ADGRG2: variants seen among roughly 807,000 people sequenced by gnomAD.
ADGRG2 encodes the protein G protein-coupled receptor 64.
In ADGRG2, 26 loss-of-function variants were observed where a neutral mutation model predicts 74.1. That is an observed-to-expected ratio of 0.35 (90% confidence interval 0.26 to 0.49). The LOEUF (loss-of-function observed/expected upper bound fraction) is 0.49, where lower values mean the gene tolerates loss of function less well. ADGRG2 is among the 20% of genes least tolerant of loss of function. The pLI, the probability that ADGRG2 is intolerant of heterozygous loss-of-function variation, is 0.99. For missense variants in ADGRG2, 619 were observed against 763.1 expected, an observed-to-expected ratio of 0.81 and a Z score of 2.22; for synonymous variants, 296 against 295.2, an observed-to-expected ratio of 1.00 and a Z score of -0.03.
chrX:19,103,691 C>A (rs1217505597), intron 1 of ADGRG2, among the ~76,000 whole-genome samples: 2 of 111,083 alleles, frequency 1.8e-5, no homozygotes, highest in Admixed American at 9.6e-5. Flanking sequence ...CTCAAAATAC[C>A]AAATCCAAAG....
chrX:19,068,721 C>G lies in ADGRG2; in HGVS notation c.114G>C (p.Leu38=). ...ICLHVVLVTS[L]EEDTDNSSLS... is the part of the protein sequence containing the mutation. ...GAAGAAAAACAGACACATTACCTTC[C>G]AGGGATGTTACCAGAACGACATGAA... The change falls in exon 3 of 29, where the codon CTG becomes CTC. Residue 38 remains leucine, a synonymous_variant. Transcript: ENST00000379869. 1 of 948,667 alleles carries G rather than the reference C, an allele frequency of 1.1e-6. No individual in the cohort carries two copies. The highest frequency in any genetic ancestry group is 1.5e-6 in the Non-Finnish European group (1 of 675,610). The allele number at this position is 948,667 out of a possible 1,213,427, so 78.2% of individuals were successfully genotyped here.
intron 3 of ADGRG2, among the ~76,000 whole-genome samples, chrX:19,049,033 C>T (rs1464688284): frequency 1.8e-5 from 2 of 111,815 alleles, no homozygotes; most frequent in Non-Finnish European, 3.8e-5. Flanking sequence ...CTTCTCCTGC[C>T]CTCCCCTCAC....
At chrX:19,073,276 CA>C (rs2061682282) in intron 2 of ADGRG2, among the ~76,000 whole-genome samples, 1 of 112,517 alleles carries the variant, frequency 8.9e-6, no homozygotes, top group South Asian at 3.7e-4. Flanking sequence ...TCCAGGTCAT[CA>C]ACAAAGAGGA....
intron 1 of ADGRG2, among the ~76,000 whole-genome samples, chrX:19,113,210 T>C (rs2062447665): frequency 9.2e-6 from 1 of 109,266 alleles, no homozygotes; most frequent in African/African-American, 3.3e-5. Flanking sequence ...AAACCCCATG[T>C]CTACTAAAAA....
At chrX:19,028,488 A>T (rs1014145334) in intron 9 of ADGRG2, among the ~76,000 whole-genome samples, 2 of 111,469 alleles carry the variant, frequency 1.8e-5, no homozygotes, top group East Asian at 5.6e-4. Context: ...GGGGACTTTG[A>T]CTCTATCTGG....
chrX:19,095,183 T>G (rs1286458517), intron 1 of ADGRG2, among the ~76,000 whole-genome samples: 2 of 111,807 alleles, frequency 1.8e-5, no homozygotes, highest in Non-Finnish European at 3.8e-5. Context: ...TTTGAGTGAT[T>G]TTCCCAAAAC....
At chrX:19,028,118 C>A (rs765187767) in intron 10 of ADGRG2, 65 bp downstream of exon 10, 1 of 608,407 alleles carries the variant, frequency 1.6e-6, no homozygotes, top group South Asian at 2.6e-5. Flanking sequence ...GAACCTCAAA[C>A]AAATGTTTAA....
chrX:19,053,641 T>C (rs1018294834), intron 3 of ADGRG2, among the ~76,000 whole-genome samples: 2 of 112,233 alleles, frequency 1.8e-5, no homozygotes, highest in Non-Finnish European at 3.8e-5. Flanking sequence ...CAGGACATAC[T>C]TCATAGGTAC....
At chrX:19,009,335 G>A (rs1305605027) in intron 18 of ADGRG2, among the ~76,000 whole-genome samples, 2 of 110,311 alleles carry the variant, frequency 1.8e-5, no homozygotes, top group Admixed American at 9.7e-5. Flanking sequence ...ATGCCACCAC[G>A]CCCGGCTAAT....
chrX:19,060,057 G>C (rs892294878), intron 3 of ADGRG2, among the ~76,000 whole-genome samples: 1 of 111,972 alleles, frequency 8.9e-6, no homozygotes, highest in Non-Finnish European at 1.9e-5. Context: ...GCTTGAAGCC[G>C]GGAGGCGGAG....
chrX:19,084,713 C>T (rs147616500), intron 1 of ADGRG2, among the ~76,000 whole-genome samples: 2 of 112,226 alleles, frequency 1.8e-5, no homozygotes, highest in Admixed American at 9.5e-5. Flanking sequence ...CCAACCCAAG[C>T]ACACTACCTC....
intron 1 of ADGRG2, among the ~76,000 whole-genome samples, chrX:19,095,296 C>T (rs919740712): frequency 9.0e-6 from 1 of 111,347 alleles, no homozygotes; most frequent in Non-Finnish European, 1.9e-5. Context: ...AGTCATGTTA[C>T]TCCCAAAGCT....
At chrX:19,095,216 G>A (rs2062076295) in intron 1 of ADGRG2, among the ~76,000 whole-genome samples, 1 of 111,561 alleles carries the variant, frequency 9.0e-6, no homozygotes, top group Admixed American at 9.5e-5. Context: ...AGTGGTGTGG[G>A]AGTATTATTT....
At chrX:19,106,699 G>T (rs1217497846) in intron 1 of ADGRG2, among the ~76,000 whole-genome samples, 2 of 110,806 alleles carry the variant, frequency 1.8e-5, no homozygotes, top group Non-Finnish European at 3.8e-5. Flanking sequence ...TGGGCAGATC[G>T]CTTGAGGCCA....
In ADGRG2 at chrX:18,999,955, G is replaced by T; in HGVS notation, c.2236C>A (p.Pro746Thr). Residue 746 changes from proline to threonine, a missense_variant, in exon 25 of 29, where the codon CCA (proline) becomes ACA (threonine). By Grantham distance (38) the Pro-to-Thr change is conservative. Coordinates refer to ENST00000379869, the MANE Select transcript of ADGRG2 (RefSeq NM_001079858.3). ...AGGATGATGGTCACAACCACAGCTGGTACCCCTGGAAGATGGGAAACATTG... is the reference window on the plus strand; with the variant it reads ...AGGATGATGGTCACAACCACAGCTGTTACCCCTGGAAGATGGGAAACATTG... ...LKFCIVGWGV[P>T]AVVVTIILTI... is the part of the protein sequence containing the mutation. The T allele has an allele frequency of 8.9e-7, 1 of 1,122,401 alleles. No homozygotes were observed. The highest frequency in any genetic ancestry group is 1.2e-6 in the Non-Finnish European group (1 of 817,255). The allele number at this position is 1,122,401 out of a possible 1,213,427, so 92.5% of individuals were successfully genotyped here. A position where few individuals can be genotyped will look rare whatever the true frequency, so the allele number is the denominator to read the frequency against.
chrX:19,029,425 G>A (rs1370337029), intron 9 of ADGRG2, among the ~76,000 whole-genome samples: 2 of 111,384 alleles, frequency 1.8e-5, no homozygotes, highest in Admixed American at 9.6e-5. Flanking sequence ...GAGCAACCAG[G>A]AAGCCAGCAC....
intron 2 of ADGRG2, among the ~76,000 whole-genome samples, chrX:19,081,496 C>T (rs904206088): frequency 9.0e-6 from 1 of 111,571 alleles, no homozygotes; most frequent in African/African-American, 3.3e-5. Flanking sequence ...GCCCACCCCT[C>T]GCCAGGATTC....
At chrX:19,005,623 G>A (rs1286191019) in intron 22 of ADGRG2, among the ~76,000 whole-genome samples, 1 of 104,590 alleles carries the variant, frequency 9.6e-6, no homozygotes, top group Non-Finnish European at 1.9e-5. Flanking sequence ...GTGTGATTTC[G>A]GCTTACTGCA....
intron 2 of ADGRG2, among the ~76,000 whole-genome samples, chrX:19,077,983 T>C (rs1356414757): frequency 1.8e-5 from 2 of 111,875 alleles, no homozygotes; most frequent in African/African-American, 6.5e-5. Flanking sequence ...ATTAAGGATA[T>C]AGAATATTTG....
Sources: gnomAD v4.1 joint callset for allele counts (sites outside exome capture counted in the v4.1 genomes callset) on GRCh38, gnomAD v4.1.1 for gene constraint, MANE v1.5 for transcripts, NCBI Gene and HGNC (gene_info 2026-07-23, HGNC 2026-07-21) for gene names.